Variants in KSR2 observed in about 807,000 individuals in gnomAD.
KSR2 encodes the protein kinase suppressor of ras 2.
A neutral mutation model predicts 107.8 loss-of-function variants in KSR2; 25 were observed. The observed-to-expected ratio is 0.23, with a 90% CI of 0.17 to 0.32. The LOEUF is 0.32. Among genes scored for constraint, KSR2 ranks in the 10% least tolerant of loss-of-function variants. KSR2 has a pLI of 1.00. For missense variants in KSR2, 887 were observed against 1,268.9 expected, an observed-to-expected ratio of 0.70 and a Z score of 4.57; for synonymous variants, 480 against 507.0, an observed-to-expected ratio of 0.95 and a Z score of 0.71.
intron 3 of KSR2, among the ~76,000 whole-genome samples, chr12:117,771,445 C>T (rs1593220475): frequency 1.3e-5 from 2 of 152,180 alleles, no homozygotes; most frequent in African/African-American, 4.8e-5. Context: ...GCTCTGACCA[C>T]CTTGGACACA....
chr12:117,697,601 A>G (rs143694388), intron 4 of KSR2, among the ~76,000 whole-genome samples: 12 of 152,172 alleles, frequency 7.9e-5, no homozygotes, highest in East Asian at 1.9e-4. Flanking sequence ...TTAGCCAGGC[A>G]TGGTGGCACA....
intron 1 of KSR2, among the ~76,000 whole-genome samples, chr12:117,892,026 C>A (rs1045795675): frequency 2.9e-5 from 3 of 103,880 alleles, no homozygotes; most frequent in African/African-American, 1.3e-4. Context: ...CGGCCCAGTG[C>A]GGTGGCTGAC....
At chr12:117,764,479 C>T (rs1033657842) in intron 3 of KSR2, among the ~76,000 whole-genome samples, 1 of 152,066 alleles carries the variant, frequency 6.6e-6, no homozygotes, top group Non-Finnish European at 1.5e-5. Flanking sequence ...CCCAAAACTT[C>T]GGCCACCTCA....
intron 9 of KSR2, among the ~76,000 whole-genome samples, chr12:117,541,418 C>T (rs1404881605): frequency 6.6e-6 from 1 of 152,208 alleles, no homozygotes; most frequent in East Asian, 1.9e-4. Flanking sequence ...CTGCCTGAAG[C>T]TTGAAAAGCT....
chr12:117,703,576 A>C (rs984822532), intron 4 of KSR2, among the ~76,000 whole-genome samples: 1 of 152,234 alleles, frequency 6.6e-6, no homozygotes, highest in African/African-American at 2.4e-5. Flanking sequence ...CAATAAAAAC[A>C]GCAAAGAAAT....
At chr12:117,812,015 C>G (rs1485920198) in intron 3 of KSR2, among the ~76,000 whole-genome samples, 1 of 152,200 alleles carries the variant, frequency 6.6e-6, no homozygotes, top group Non-Finnish European at 1.5e-5. Context: ...GGTTAGACCA[C>G]TGAGCTTGGG....
intron 14 of KSR2, among the ~76,000 whole-genome samples, chr12:117,512,365 G>A (rs1874076427): frequency 6.6e-6 from 1 of 152,154 alleles, no homozygotes; most frequent in Non-Finnish European, 1.5e-5. Context: ...CAGGAATGCT[G>A]CGTCCTCTTC....
chr12:117,686,387 G>A (rs971375635), intron 4 of KSR2, among the ~76,000 whole-genome samples: 5 of 151,852 alleles, frequency 3.3e-5, no homozygotes, highest in Non-Finnish European at 5.9e-5. Flanking sequence ...TTTATGATGG[G>A]ATCTGTCATT....
At chr12:117,960,545 T>C (rs968846535) in intron 1 of KSR2, among the ~76,000 whole-genome samples, 2 of 152,106 alleles carry the variant, frequency 1.3e-5, no homozygotes, top group African/African-American at 4.8e-5. Flanking sequence ...CCACCAGCCA[T>C]GTGAGCAGGG....
chr12:117,523,606 T>C (rs987641026), intron 14 of KSR2, among the ~76,000 whole-genome samples: 3 of 152,198 alleles, frequency 2.0e-5, no homozygotes, highest in Non-Finnish European at 4.4e-5. Flanking sequence ...TTTGTACCCA[T>C]AGACCACAGA....
chr12:117,652,233 A>G (rs1261256681), intron 5 of KSR2, among the ~76,000 whole-genome samples: 1 of 152,194 alleles, frequency 6.6e-6, no homozygotes, highest in Non-Finnish European at 1.5e-5. Flanking sequence ...TGATATGTGC[A>G]TCAAAATCTC....
intron 3 of KSR2, among the ~76,000 whole-genome samples, chr12:117,820,847 A>AC (rs2137078160): frequency 6.6e-6 from 1 of 152,162 alleles, no homozygotes; most frequent in South Asian, 2.1e-4. Context: ...CATCTGCTCT[A>AC]CTCCCTGTCT....
intron 1 of KSR2, among the ~76,000 whole-genome samples, chr12:117,927,324 T>C (rs989010026): frequency 1.3e-5 from 2 of 151,776 alleles, no homozygotes. Context: ...TGAAGTGTGC[T>C]GAGGTCATGC....
intron 14 of KSR2, among the ~76,000 whole-genome samples, chr12:117,507,129 A>G (rs12228974): frequency 6.6e-6 from 1 of 152,056 alleles, no homozygotes; most frequent in Non-Finnish European, 1.5e-5. Context: ...TTCTGTTTAC[A>G]AAACACTTTC....
intron 5 of KSR2, among the ~76,000 whole-genome samples, chr12:117,582,713 G>A (rs541438018): frequency 1.4e-4 from 21 of 152,332 alleles, no homozygotes; most frequent in African/African-American, 2.9e-4. Flanking sequence ...GGTTGCTAGC[G>A]TCCTCACCTT....
intron 5 of KSR2, among the ~76,000 whole-genome samples, chr12:117,619,917 A>G (rs1031061506): frequency 1.3e-5 from 2 of 152,090 alleles, no homozygotes; most frequent in Non-Finnish European, 2.9e-5. Context: ...CATCTCCCCA[A>G]GAAGACACTT....
intron 1 of KSR2, among the ~76,000 whole-genome samples, chr12:117,862,062 C>CTT (rs34794818): frequency 3.4e-4 from 48 of 139,902 alleles, no homozygotes; most frequent in South Asian, 1.4e-3. Flanking sequence ...ATATTATCAT[C>CTT]TTTTTTTTTT....
At chr12:117,730,271 A>C (rs1157153585) in intron 4 of KSR2, among the ~76,000 whole-genome samples, 1 of 152,210 alleles carries the variant, frequency 6.6e-6, no homozygotes, top group East Asian at 1.9e-4. Flanking sequence ...TCCATACCTC[A>C]GTTTCATTCA....
At chr12:117,788,647 G>A (rs556312332) in intron 3 of KSR2, among the ~76,000 whole-genome samples, 7 of 152,244 alleles carry the variant, frequency 4.6e-5, no homozygotes, top group Non-Finnish European at 8.8e-5. Context: ...GATTACAGGT[G>A]CGTATGACCA....
Sources: gnomAD v4.1 joint callset for allele counts (sites outside exome capture counted in the v4.1 genomes callset) on GRCh38, gnomAD v4.1.1 for gene constraint, MANE v1.5 for transcripts, NCBI Gene and HGNC (gene_info 2026-07-23, HGNC 2026-07-21) for gene names.